Variants in PDE4B observed in about 807,000 individuals in gnomAD.
The protein encoded by PDE4B is phosphodiesterase 4B.
A neutral mutation model predicts 82.2 loss-of-function variants in PDE4B; 20 were observed. The ratio of observed to expected loss-of-function variants is 0.24; its 90% CI spans 0.17 to 0.35. The LOEUF (loss-of-function observed/expected upper bound fraction) is 0.35. Among genes scored for constraint, PDE4B ranks in the 10% least tolerant of loss-of-function variants. The pLI is 1.00. For missense variants in PDE4B, 655 were observed against 907.2 expected, an observed-to-expected ratio of 0.72 and a Z score of 3.57; for synonymous variants, 320 against 318.9, an observed-to-expected ratio of 1.00 and a Z score of -0.04.
At chr1:65,831,430 C>T (rs773219028) in intron 1 of PDE4B, among the ~76,000 whole-genome samples, 1 of 152,062 alleles carries the variant, frequency 6.6e-6, no homozygotes, top group Non-Finnish European at 1.5e-5. Context: ...AATTCAGCAG[C>T]TTTGAGGGAC....
intron 3 of PDE4B, among the ~76,000 whole-genome samples, chr1:66,071,034 TTAA>T (rs1449154944): frequency 6.6e-6 from 1 of 152,048 alleles, no homozygotes; most frequent in African/African-American, 2.4e-5. Flanking sequence ...GTAAATTATG[TTAA>T]TAATTTTTCT....
intron 1 of PDE4B, among the ~76,000 whole-genome samples, chr1:65,845,512 G>A (rs552873224): frequency 6.6e-6 from 1 of 152,266 alleles, no homozygotes; most frequent in African/African-American, 2.4e-5. Flanking sequence ...GTAGGGGTGA[G>A]ATATGGTCTG....
chr1:66,030,894 G>T (rs1296976887), intron 3 of PDE4B, among the ~76,000 whole-genome samples: 2 of 152,216 alleles, frequency 1.3e-5, no homozygotes, highest in East Asian at 3.8e-4. Context: ...TCACTTATAA[G>T]TGGGGGCTAA....
intron 3 of PDE4B, among the ~76,000 whole-genome samples, chr1:66,170,761 C>T (rs571757993): frequency 3.3e-5 from 5 of 152,112 alleles, no homozygotes; most frequent in Non-Finnish European, 7.4e-5. Flanking sequence ...ATTAACACAG[C>T]AAAAACATGG....
At chr1:66,100,407 G>C (rs963629568) in intron 3 of PDE4B, among the ~76,000 whole-genome samples, 1 of 152,042 alleles carries the variant, frequency 6.6e-6, no homozygotes, top group East Asian at 1.9e-4. Context: ...AGATCTGTGA[G>C]GATAGGGATT....
intron 1 of PDE4B, among the ~76,000 whole-genome samples, chr1:65,876,237 C>G (rs975439380): frequency 6.6e-6 from 1 of 151,912 alleles, no homozygotes; most frequent in African/African-American, 2.4e-5. Flanking sequence ...TCACGGTATG[C>G]TTTTTATTAT....
chr1:66,186,763 A>G (rs1413710667), intron 3 of PDE4B, among the ~76,000 whole-genome samples: 3 of 152,200 alleles, frequency 2.0e-5, no homozygotes, highest in East Asian at 3.8e-4. Flanking sequence ...TAGATATACA[A>G]TCATCTCATC....
At chr1:65,835,523 T>C (rs1646130480) in intron 1 of PDE4B, among the ~76,000 whole-genome samples, 1 of 152,188 alleles carries the variant, frequency 6.6e-6, no homozygotes, top group East Asian at 1.9e-4. Flanking sequence ...CAGAGAAGGC[T>C]GAGCAAGTGA....
At chr1:66,214,898 C>A (rs1650332669) in intron 3 of PDE4B, among the ~76,000 whole-genome samples, 1 of 152,114 alleles carries the variant, frequency 6.6e-6, no homozygotes, top group South Asian at 2.1e-4. Context: ...CATATCATGA[C>A]CTTGTTGGAA....
chr1:66,153,091 C>G (rs191346676), intron 3 of PDE4B, among the ~76,000 whole-genome samples: 1 of 152,184 alleles, frequency 6.6e-6, no homozygotes, highest in Non-Finnish European at 1.5e-5. Context: ...GGTCCTTTGA[C>G]ACATGGAACA....
At chr1:66,069,107 G>A (rs780046522) in intron 3 of PDE4B, among the ~76,000 whole-genome samples, 6 of 151,894 alleles carry the variant, frequency 4.0e-5, no homozygotes, top group South Asian at 2.1e-4. Context: ...GTTTCTGTTC[G>A]GTAACTGTGT....
intron 3 of PDE4B, among the ~76,000 whole-genome samples, chr1:65,963,540 G>A (rs548543675): frequency 1.8e-4 from 28 of 152,306 alleles, no homozygotes; most frequent in Non-Finnish European, 3.4e-4. Flanking sequence ...CTTCTCAGAG[G>A]ATTTTGAGAC....
At chr1:66,014,717 T>G (rs942137387) in intron 3 of PDE4B, among the ~76,000 whole-genome samples, 1 of 152,168 alleles carries the variant, frequency 6.6e-6, no homozygotes, top group African/African-American at 2.4e-5. Flanking sequence ...GCGAGAACAT[T>G]TAGCAGTAGG....
At chr1:66,277,931 G>T (rs1656009066) in intron 7 of PDE4B, among the ~76,000 whole-genome samples, 2 of 152,194 alleles carry the variant, frequency 1.3e-5, no homozygotes, top group Non-Finnish European at 2.9e-5. Context: ...CCTGGGTCTT[G>T]ATTTTCTTAC....
At chr1:65,988,782 A>G (rs1651088522) in intron 3 of PDE4B, among the ~76,000 whole-genome samples, 1 of 152,156 alleles carries the variant, frequency 6.6e-6, no homozygotes, top group African/African-American at 2.4e-5. Flanking sequence ...TATTGTATAC[A>G]AACTGCAGTT....
At chr1:66,230,769 G>A (rs553840988) in intron 3 of PDE4B, among the ~76,000 whole-genome samples, 1 of 152,240 alleles carries the variant, frequency 6.6e-6, no homozygotes, top group South Asian at 2.1e-4. Flanking sequence ...TTCCTGACCA[G>A]GTGCAGTGTG....
intron 1 of PDE4B, among the ~76,000 whole-genome samples, chr1:65,862,670 G>A (rs979154676): frequency 2.0e-5 from 3 of 152,116 alleles, no homozygotes; most frequent in Middle Eastern, 3.4e-3. Flanking sequence ...CTGTGAATCC[G>A]TCTGGTCCTG....
At chr1:65,857,552 TG>T (rs1191659589) in intron 1 of PDE4B, among the ~76,000 whole-genome samples, 2 of 152,166 alleles carry the variant, frequency 1.3e-5, no homozygotes, top group Non-Finnish European at 2.9e-5. Flanking sequence ...CCAGGTGCAG[TG>T]GTGTGCACCT....
At chr1:66,052,165 C>T (rs1655064765) in intron 3 of PDE4B, among the ~76,000 whole-genome samples, 3 of 152,190 alleles carry the variant, frequency 2.0e-5, no homozygotes, top group African/African-American at 7.2e-5. Flanking sequence ...CAACTGGCAT[C>T]ATATACTTTA....
Sources: gnomAD v4.1 joint callset for allele counts (sites outside exome capture counted in the v4.1 genomes callset) on GRCh38, gnomAD v4.1.1 for gene constraint, MANE v1.5 for transcripts, NCBI Gene and HGNC (gene_info 2026-07-23, HGNC 2026-07-21) for gene names.